The following DCAF5 variants were observed in gnomAD, a reference collection of about 807,000 sequenced individuals.
DCAF5 encodes DDB1 and CUL4 associated factor 5.
In DCAF5, 9 loss-of-function variants were observed where a neutral mutation model predicts 80.7. The ratio of observed to expected loss-of-function variants is 0.11; its 90% CI spans 0.07 to 0.19. DCAF5 has a LOEUF of 0.19. Among genes scored for constraint, DCAF5 ranks in the 10% least tolerant of loss-of-function variants. DCAF5 has a pLI of 1.00. For missense variants in DCAF5, 842 were observed against 1,205.7 expected (o/e 0.70, Z 4.47); for synonymous variants, 433 against 461.9 (o/e 0.94, Z 0.80).
chr14:69,077,365 C>CTTGCTTATTTAT (rs368425081), intron 6 of DCAF5, among the ~76,000 whole-genome samples: 2 of 144,032 alleles, frequency 1.4e-5, no homozygotes, highest in South Asian at 2.3e-4. Flanking sequence ...CGACATGTAG[C>CTTGCTTATTTAT]TTATTTATTT....
chr14:69,099,184 G>A (rs887133004), intron 5 of DCAF5, among the ~76,000 whole-genome samples: 5 of 150,444 alleles, frequency 3.3e-5, no homozygotes, highest in Admixed American at 2.0e-4. Context: ...CCTGGGAGGC[G>A]GAGGTTGCAG....
chr14:69,121,166 G>T (rs1368332245), intron 2 of DCAF5, among the ~76,000 whole-genome samples: 2 of 152,188 alleles, frequency 1.3e-5, no homozygotes, highest in African/African-American at 4.8e-5. Context: ...CAGATAGATT[G>T]GGATTTAGAC....
intron 1 of DCAF5, among the ~76,000 whole-genome samples, chr14:69,130,608 T>C (rs1566781521): frequency 1.3e-5 from 2 of 152,164 alleles, no homozygotes; most frequent in South Asian, 4.1e-4. Flanking sequence ...ATAAAAAATA[T>C]AAGAAAGTTT....
intron 6 of DCAF5, among the ~76,000 whole-genome samples, chr14:69,088,939 C>G (rs2139958517): frequency 6.6e-6 from 1 of 152,290 alleles, no homozygotes; most frequent in South Asian, 2.1e-4. Context: ...GCCTATAAAT[C>G]ACCTTTGAGA....
At chr14:69,100,781 C>A (rs1685618783) in intron 5 of DCAF5, among the ~76,000 whole-genome samples, 1 of 152,138 alleles carries the variant, frequency 6.6e-6, no homozygotes, top group Admixed American at 6.5e-5. Context: ...TACATATGGG[C>A]AAATTCATGG....
rs779248278 is a variant in DCAF5, at chr14:69,054,444, C to T, written c.2242G>A (p.Glu748Lys). The change falls in exon 9 of 9, where the codon GAG (glutamate) becomes AAG (lysine). Residue 748 changes from glutamate to lysine, a missense_variant. Transcript: ENST00000341516. ...PRTPSNGPGH[E>K]HSSHAWAEVP... ...TCTGCCCAAGCATGGCTGCTGTGCT[C>T]ATGGCCTGGGCCATTGCTGGGAGTT... is the stretch of plus-strand genomic sequence containing the variant. 6.2e-7 allele frequency: 1 copy of T among 1,614,096 alleles called. No individual in the cohort carries two copies. Among genetic ancestry groups the T allele is most frequent in the South Asian group, 1.1e-5 (1 of 91,090 alleles).
In DCAF5 at chr14:69,088,376, T is replaced by C. The variant is rs187842244; in HGVS notation, c.879+3298A>G. On this transcript the variant is annotated intron_variant, in intron 6 of 8. Transcript: ENST00000341516. ...TATAAAATGATCTCTAATAGCTCTATAATTAGAATTCATCTACAGTGGTGG... is the reference window on the plus strand; with the variant it reads ...TATAAAATGATCTCTAATAGCTCTACAATTAGAATTCATCTACAGTGGTGG... 4.4e-4 allele frequency among the ~76,000 whole-genome samples: 67 copies of C among 152,338 alleles called. 1 individual carries two copies. Among genetic ancestry groups the C allele is most frequent in the South Asian group, 1.0e-3 (5 of 4,830 alleles).
intron 1 of DCAF5, among the ~76,000 whole-genome samples, chr14:69,143,412 T>C (rs146701436): frequency 6.6e-6 from 1 of 152,164 alleles, no homozygotes; most frequent in African/African-American, 2.4e-5. Context: ...TTCCCTCATA[T>C]GTAATATAAG....
chr14:69,067,337 C>CT (rs58620965), intron 7 of DCAF5, among the ~76,000 whole-genome samples: 4,061 of 114,728 alleles, frequency 0.035, 204 homozygotes, highest in African/African-American at 0.088. Context: ...GATTTCGTAT[C>CT]TTTTTTTTTT....
At chr14:69,115,721 G>A (rs1425462246) in intron 5 of DCAF5, among the ~76,000 whole-genome samples, 2 of 152,104 alleles carry the variant, frequency 1.3e-5, no homozygotes, top group Non-Finnish European at 2.9e-5. Flanking sequence ...AGTGATTCAT[G>A]CCATCATTCA....
rs762498026 is a variant in DCAF5 at position 69,054,955 on chromosome 14, G to C, written c.1731C>G (p.Arg577=). 2 of 1,614,240 alleles carry C rather than the reference G, an allele frequency of 1.2e-6. No individual in the cohort carries two copies. The highest frequency in any genetic ancestry group is 1.7e-6 in the Non-Finnish European group (2 of 1,180,044). The change falls in exon 9 of 9, where the codon CGC becomes CGG. Residue 577 remains arginine (R), a synonymous_variant. Coordinates refer to ENST00000341516, the MANE Select transcript of DCAF5 (RefSeq NM_003861.3). ...SSEDEEELNE[R]RASTWQRNAM... ...CATTCCGCTGCCAGGTAGAGGCTCG[G>C]CGTTCATTCAGCTCCTCCTCATCCT... is the stretch of plus-strand genomic sequence containing the variant.
At chr14:69,132,293 T>C (rs1233001090) in intron 1 of DCAF5, among the ~76,000 whole-genome samples, 3 of 152,196 alleles carry the variant, frequency 2.0e-5, no homozygotes, top group Admixed American at 6.5e-5. Flanking sequence ...TCCATATCCT[T>C]GCCAACTCTT....
At chr14:69,081,733 C>T (rs2039110926) in intron 6 of DCAF5, among the ~76,000 whole-genome samples, 1 of 149,686 alleles carries the variant, frequency 6.7e-6, no homozygotes, top group Non-Finnish European at 1.5e-5. Context: ...CTCTGTCAAT[C>T]CATTGACCTT....
chr14:69,145,851 T>C (rs2041520468), intron 1 of DCAF5, among the ~76,000 whole-genome samples: 1 of 152,174 alleles, frequency 6.6e-6, no homozygotes, highest in South Asian at 2.1e-4. Context: ...CTTAAGACCA[T>C]AAAAAGAAGA....
chr14:69,126,760 A>G (rs2040887810), intron 1 of DCAF5, among the ~76,000 whole-genome samples: 1 of 152,230 alleles, frequency 6.6e-6, no homozygotes, highest in South Asian at 2.1e-4. Context: ...CCACGTAAGT[A>G]TAATCAACTG....
chr14:69,066,441 C>T (rs779580722), intron 7 of DCAF5, among the ~76,000 whole-genome samples: 1 of 152,042 alleles, frequency 6.6e-6, no homozygotes, highest in Non-Finnish European at 1.5e-5. Context: ...GGCCAGCTGA[C>T]ACTCCTTTTT....
chr14:69,136,060 G>A (rs904597377), intron 1 of DCAF5, among the ~76,000 whole-genome samples: 1 of 149,874 alleles, frequency 6.7e-6, no homozygotes, highest in African/African-American at 2.5e-5. Context: ...AGAATATACA[G>A]TTATCTAAGA....
intron 6 of DCAF5, among the ~76,000 whole-genome samples, chr14:69,083,087 T>C (rs970781141): frequency 8.5e-5 from 13 of 152,220 alleles, no homozygotes; most frequent in African/African-American, 3.1e-4. Context: ...CTCCAAAACC[T>C]TTTAAGCTTT....
At chr14:69,056,162 G>A (rs1473234994) in intron 8 of DCAF5, among the ~76,000 whole-genome samples, 1 of 152,122 alleles carries the variant, frequency 6.6e-6, no homozygotes, top group East Asian at 1.9e-4. Context: ...TTAACTAATG[G>A]GAATTGCTCA....
Sources: allele counts gnomAD v4.1 joint callset (sites outside exome capture counted in the v4.1 genomes callset), GRCh38; gene constraint gnomAD v4.1.1; transcripts MANE v1.5; gene names NCBI Gene and HGNC (gene_info 2026-07-23, HGNC 2026-07-21).